PERM1: variants seen among roughly 807,000 people sequenced by gnomAD.
The protein encoded by PERM1 is PPARGC1 and ESRR induced regulator, muscle 1.
PERM1 carries 45 observed loss-of-function variants against 44.1 expected under a neutral mutation model. The ratio of observed to expected loss-of-function variants is 1.02; its 90% CI spans 0.80 to 1.31. The LOEUF (loss-of-function observed/expected upper bound fraction) is 1.31, where lower values mean the gene tolerates loss of function less well. PERM1 is among the 50% of genes most tolerant of loss of function. PERM1 has a pLI of 0.00. For missense variants in PERM1, 1,189 were observed against 1,106.9 expected, an observed-to-expected ratio of 1.07 and a Z score of -1.05; for synonymous variants, 565 against 477.1, an observed-to-expected ratio of 1.18 and a Z score of -2.40.
chr1:978,249 C>T (rs912480841), intron 1 of PERM1, among the ~76,000 whole-genome samples: 1 of 150,360 alleles, frequency 6.7e-6, no homozygotes, highest in Non-Finnish European at 1.5e-5. Context: ...ACCGCCTGCC[C>T]CAGATACATC....
chr1:979,311 C>A lies in PERM1; in HGVS notation c.1719G>T (p.Gly573=), dbSNP rs1189798913. ...CCGGGAGGGTCACGGCAAAGCTGCT[C>A]CCGGGCCCGACCCTCGTCACGGCAG... The change falls in exon 1 of 3, where the codon GGG becomes GGT. Residue 573 remains glycine, a synonymous_variant. Coordinates refer to ENST00000433179, the Ensembl canonical transcript of PERM1. 6 of 1,539,204 alleles carry A rather than the reference C, an allele frequency of 3.9e-6. No homozygotes were observed. The East Asian group carries it at 1.5e-4, about 38-fold the overall frequency.
chr1:976,610 G>A (rs912560297), exon 2 of PERM1: 1 of 1,549,284 alleles, frequency 6.5e-7, no homozygotes, highest in Non-Finnish European at 8.7e-7. Context: ...GATGGGACAG[G>A]CCCCCGGAGC....
chr1:978,616 C>A (rs1643690946), intron 1 of PERM1, among the ~76,000 whole-genome samples: 1 of 152,220 alleles, frequency 6.6e-6, no homozygotes, highest in Non-Finnish European at 1.5e-5. Flanking sequence ...CTGCCAGAGG[C>A]TGGGGGAGGG....
exon 1 of PERM1, chr1:980,469 A>G: frequency 1.3e-6 from 2 of 1,526,702 alleles, no homozygotes; most frequent in Non-Finnish European, 1.8e-6. Flanking sequence ...TGGCACCCAC[A>G]GCTCGCCTCT....
chr1:978,503 G>A (rs565459468), intron 1 of PERM1, among the ~76,000 whole-genome samples: 2 of 152,308 alleles, frequency 1.3e-5, no homozygotes, highest in South Asian at 2.1e-4. Context: ...TGCCAGTGGA[G>A]GCCCCGTGTT....
chr1:981,571 G>T (rs919655337), upstream of PERM1, among the ~76,000 whole-genome samples: 1 of 152,240 alleles, frequency 6.6e-6, no homozygotes, highest in African/African-American at 2.4e-5. Flanking sequence ...GGTTTACAGG[G>T]CCCAGCAGGT....
chr1:975,940 C>T (rs542023181), exon 3 of PERM1: 7 of 528,998 alleles, frequency 1.3e-5, no homozygotes, highest in Non-Finnish European at 2.3e-5. Flanking sequence ...CAGCCACCTG[C>T]CTGCCCTCCA....
At chr1:981,000 C>T (rs1374046834) in exon 1 of PERM1, 1 of 1,518,752 alleles carries the variant, frequency 6.6e-7, no homozygotes, top group Non-Finnish European at 8.8e-7. Flanking sequence ...CCTGGTCACT[C>T]AGCTGGACGC....
Position 979,482 on chromosome 1 carries a change from TG to T in PERM1, c.1547del (p.Pro516GlnfsTer52), listed in dbSNP as rs1413510414. On this transcript the variant is annotated frameshift_variant, in exon 1 of 3. Coordinates refer to ENST00000433179, the Ensembl canonical transcript of PERM1. LOFTEE classifies it high-confidence loss of function. Reference sequence around the variant, plus strand: ...GCCGGGCTGAGGCCTGTCCTGAGCCTGGCTTATTGGGGCTGGGCCCAGCCAC... The same window carrying T: ...GCCGGGCTGAGGCCTGTCCTGAGCCTGCTTATTGGGGCTGGGCCCAGCCAC... The T allele has an allele frequency of 6.5e-7, 1 of 1,547,592 alleles. No individual in the cohort carries two copies. The highest frequency in any genetic ancestry group is 2.4e-5 in the East Asian group (1 of 40,852).
chr1:975,882 A>T (rs1643582666), exon 3 of PERM1: 1 of 411,326 alleles, frequency 2.4e-6, no homozygotes, highest in East Asian at 4.2e-5. Flanking sequence ...GTCTGAAATT[A>T]ACCGAATGCC....
At chr1:978,957 G>C in exon 1 of PERM1, 1 of 1,505,986 alleles carries the variant, frequency 6.6e-7, no homozygotes. Context: ...CCCCCTCGGA[G>C]GCCGACCGGG....
At chr1:976,365 C>T (rs1643607106) in intron 2 of PERM1, 96 bp from the exon 4 acceptor site, 2 of 1,478,620 alleles carry the variant, frequency 1.4e-6, no homozygotes, top group Non-Finnish European at 1.8e-6. Context: ...AAGGTCGGTG[C>T]GGCCAGGGCC....
At chr1:976,206 C>T in exon 3 of PERM1, 1 of 1,540,818 alleles carries the variant, frequency 6.5e-7, no homozygotes, top group South Asian at 1.2e-5. Flanking sequence ...GCTGCGGCGC[C>T]CTTGCCCCAC....
exon 1 of PERM1, chr1:980,132 C>T: frequency 6.5e-7 from 1 of 1,550,334 alleles, no homozygotes; most frequent in Admixed American, 2.0e-5. Context: ...GGTGTAGACA[C>T]AGCCATGTCT....
At chr1:979,505 C>T in exon 1 of PERM1, 3 of 1,549,908 alleles carry the variant, frequency 1.9e-6, no homozygotes, top group Non-Finnish European at 2.6e-6. Flanking sequence ...CTGGGCCCAG[C>T]CACGGAGAAG....
At chr1:979,456 G>A in exon 1 of PERM1, 3 of 1,546,886 alleles carry the variant, frequency 1.9e-6, no homozygotes, top group Non-Finnish European at 1.7e-6. Context: ...GGGGGCTGAG[G>A]GCCGGGCTGA....
chr1:975,555 G>C (rs2340592), exon 3 of PERM1: 1 of 152,336 alleles, frequency 6.6e-6, no homozygotes, highest in Non-Finnish European at 1.5e-5. Flanking sequence ...CAGAGCCTTC[G>C]CTGTCTCAGG....
intron 1 of PERM1, 52 bp downstream of exon 2, chr1:978,828 TG>T: frequency 7.0e-7 from 1 of 1,419,504 alleles, no homozygotes. Context: ...CCAAGATCCC[TG>T]GACAGTGTGT....
chr1:981,217 C>T (rs1395571869), upstream of PERM1: 6 of 1,527,222 alleles, frequency 3.9e-6, no homozygotes, highest in African/African-American at 1.4e-5. Flanking sequence ...GCCGCGCTTC[C>T]TTCAAACCTA....
Sources: gnomAD v4.1 joint callset for allele counts (sites outside exome capture counted in the v4.1 genomes callset) on GRCh38, gnomAD v4.1.1 for gene constraint, MANE v1.5 for transcripts, NCBI Gene and HGNC (gene_info 2026-07-23, HGNC 2026-07-21) for gene names.